ANK2: variants seen among roughly 807,000 people sequenced by gnomAD.
ANK2 encodes ankyrin 2, also known as ankyrin-2.
Under a neutral mutation model 360.5 loss-of-function variants are expected in ANK2, and 83 were observed. That is an observed-to-expected ratio of 0.23 (90% confidence interval 0.19 to 0.28). ANK2 has a LOEUF of 0.28. Among genes scored for constraint, ANK2 ranks in the 10% least tolerant of loss-of-function variants. The pLI, the probability that ANK2 is intolerant of heterozygous loss-of-function variation, is 1.00. For missense variants in ANK2, 4,201 were observed against 4,795.7 expected (o/e 0.88, Z 3.66); for synonymous variants, 1,740 against 1,759.5 (o/e 0.99, Z 0.28).
At chr4:113,371,905 T>A (rs1294776605) in intron 43 of ANK2, among the ~76,000 whole-genome samples, 1 of 152,224 alleles carries the variant, frequency 6.6e-6, no homozygotes, top group African/African-American at 2.4e-5. Flanking sequence ...TGTGCTAAGC[T>A]AAAATTATGT....
intron 15 of ANK2, 44 bp downstream of exon 15, chr4:113,274,693 T>G (rs1365430303): frequency 6.2e-7 from 1 of 1,600,762 alleles, no homozygotes; most frequent in Admixed American, 1.7e-5. Flanking sequence ...AGAGGATTCC[T>G]AAGTCATGGC....
intron 1 of ANK2, among the ~76,000 whole-genome samples, chr4:112,886,491 G>T (rs530253475): frequency 6.6e-6 from 1 of 151,916 alleles, no homozygotes. Context: ...GGTGAAACTC[G>T]TCTCTATTAA....
At chr4:113,258,176 A>G in intron 12 of ANK2, 28 bp downstream of exon 12, 1 of 1,591,774 alleles carries the variant, frequency 6.3e-7, no homozygotes. Flanking sequence ...CTAGTCACAA[A>G]GCATTCCTTC....
chr4:113,289,278 C>G (rs964219740), intron 20 of ANK2, among the ~76,000 whole-genome samples: 1 of 148,402 alleles, frequency 6.7e-6, no homozygotes, highest in Admixed American at 6.8e-5. Flanking sequence ...AGCAATGGCA[C>G]GATCAGAGCT....
At chr4:112,845,242 A>G (rs1387558367) in intron 1 of ANK2, among the ~76,000 whole-genome samples, 2 of 152,182 alleles carry the variant, frequency 1.3e-5, no homozygotes, top group Non-Finnish European at 2.9e-5. Context: ...TAATTATTAG[A>G]ATAAATAAAT....
At chr4:113,104,548 T>C (rs1274978992) in intron 1 of ANK2, among the ~76,000 whole-genome samples, 3 of 152,150 alleles carry the variant, frequency 2.0e-5, no homozygotes, top group African/African-American at 7.2e-5. Context: ...ACCCTGTCTC[T>C]ACTAAAAATA....
At chr4:112,792,032 T>G in the ANK2 span, among the ~76,000 whole-genome samples, 47 of 128,098 alleles carry the variant, frequency 3.7e-4, no homozygotes, top group African/African-American at 1.3e-3. Context: ...ACACATCCTT[T>G]CTTTTTTTTT....
chr4:113,258,419 T>C lies in ANK2; in HGVS notation c.1386+8T>C. ...CCAGATGTCACTAACATTGTGAGTA[T>C]GGCTTGGGTCAGAATAACCCCAGGG... On this transcript the variant is annotated splice_region_variant and intron_variant, in intron 13 of 45. Transcript: ENST00000357077. The C allele has an allele frequency of 1.9e-6, 3 of 1,610,756 alleles. No individual in the cohort carries two copies. The highest frequency in any genetic ancestry group is 3.3e-4 in the Middle Eastern group (2 of 6,054).
At chr4:113,022,290 G>A (rs1287052371) in intron 2 of ANK2, among the ~76,000 whole-genome samples, 2 of 152,152 alleles carry the variant, frequency 1.3e-5, no homozygotes, top group Admixed American at 1.3e-4. Flanking sequence ...AAGAGGAAAA[G>A]CATTACTTCT....
intron 1 of ANK2, among the ~76,000 whole-genome samples, chr4:113,075,730 G>A (rs2154343469): frequency 6.6e-6 from 1 of 152,280 alleles, no homozygotes; most frequent in African/African-American, 2.4e-5. Context: ...ATATTTTATG[G>A]ATGGGTATTT....
At chr4:113,132,097 A>G (rs955860876) in intron 1 of ANK2, among the ~76,000 whole-genome samples, 3 of 152,198 alleles carry the variant, frequency 2.0e-5, no homozygotes, top group East Asian at 1.9e-4. Context: ...CAGAGATGTC[A>G]CAAGTATCAG....
chr4:112,730,678 A>G, the ANK2 span, among the ~76,000 whole-genome samples: 2 of 149,820 alleles, frequency 1.3e-5, no homozygotes, highest in African/African-American at 4.9e-5. Context: ...CAAAATTACT[A>G]GAAAAGTAGA....
chr4:113,202,675 T>G (rs192047721), intron 4 of ANK2, among the ~76,000 whole-genome samples: 1 of 152,254 alleles, frequency 6.6e-6, no homozygotes, highest in Non-Finnish European at 1.5e-5. Context: ...TCAGTAAAAT[T>G]TTTGGAATTA....
intron 1 of ANK2, among the ~76,000 whole-genome samples, chr4:112,897,744 C>T (rs1295024433): frequency 6.6e-6 from 1 of 152,222 alleles, no homozygotes; most frequent in African/African-American, 2.4e-5. Flanking sequence ...TTGCAATTCC[C>T]CTTGCTCACC....
chr4:113,320,646 C>T (rs550803150), intron 26 of ANK2, among the ~76,000 whole-genome samples: 87 of 152,132 alleles, frequency 5.7e-4, no homozygotes, highest in African/African-American at 1.9e-3. Context: ...CAGAGTGAGA[C>T]TCCATCTCCA....
At chr4:113,293,416 C>G (rs771989004) in intron 21 of ANK2, 24 bp from the exon 22 acceptor site, 3 of 1,598,156 alleles carry the variant, frequency 1.9e-6, no homozygotes, top group Middle Eastern at 3.3e-4. Context: ...ATTTCTCACT[C>G]TCTCTCTTTC....
intron 35 of ANK2, 110 bp from the exon 36 acceptor site, chr4:113,348,166 T>A (rs944179980): frequency 1.7e-5 from 18 of 1,056,936 alleles, no homozygotes; most frequent in Non-Finnish European, 2.5e-5. Flanking sequence ...TATGCTTGCC[T>A]GTTGATGCTT....
At chr4:113,225,761 G>A (rs1018174020) in intron 4 of ANK2, among the ~76,000 whole-genome samples, 4 of 152,104 alleles carry the variant, frequency 2.6e-5, no homozygotes, top group African/African-American at 7.2e-5. Flanking sequence ...CATCTGATAT[G>A]TAAAAATATA....
At chr4:113,203,616 T>A (rs2098890131) in intron 4 of ANK2, among the ~76,000 whole-genome samples, 1 of 152,202 alleles carries the variant, frequency 6.6e-6, no homozygotes, top group African/African-American at 2.4e-5. Context: ...TGTTGTGTAT[T>A]CCAATAACTC....
Sources: gnomAD v4.1 joint callset for allele counts (sites outside exome capture counted in the v4.1 genomes callset) on GRCh38, gnomAD v4.1.1 for gene constraint, MANE v1.5 for transcripts, NCBI Gene and HGNC (gene_info 2026-07-23, HGNC 2026-07-21) for gene names.